The following DHRSX variants were observed in gnomAD, a reference collection of about 807,000 sequenced individuals.
DHRSX encodes the protein dehydrogenase/reductase X-linked, also known as polyprenol dehydrogenase.
DHRSX carries 31 observed loss-of-function variants against 34.0 expected under a neutral mutation model. That is an observed-to-expected ratio of 0.91 (90% CI 0.69 to 1.23). The LOEUF (loss-of-function observed/expected upper bound fraction) is 1.23, where lower values mean the gene tolerates loss of function less well. DHRSX is among the 50% of genes most tolerant of loss of function. The pLI is 0.00. For missense variants in DHRSX, 414 were observed against 428.1 expected (o/e 0.97, Z 0.29); for synonymous variants, 201 against 183.8 (o/e 1.09, Z -0.76).
At chrX:2,304,124 AATGGATGGATGGATGAATGGATGG>A (rs1569485844) in intron 3 of DHRSX, among the ~76,000 whole-genome samples, 12 of 17,176 alleles carry the variant, frequency 7.0e-4, no homozygotes, top group African/African-American at 1.8e-3. Context: ...TGGATGGATA[AATGGATGGATGGATGAATGGATGG>A]ATGGATGGAT....
At chrX:2,223,905 C>T (rs1291334141) in intron 6 of DHRSX, among the ~76,000 whole-genome samples, 1 of 152,158 alleles carries the variant, frequency 6.6e-6, no homozygotes, top group African/African-American at 2.4e-5. Context: ...GCTGTGAATC[C>T]AACATGGTGC....
intron 1 of DHRSX, among the ~76,000 whole-genome samples, chrX:2,432,086 C>T (rs28369610): frequency 0.19 from 29,538 of 151,788 alleles, 3,082 homozygotes; most frequent in Middle Eastern, 0.32. Context: ...CCCAGCGACT[C>T]GGGAGGCTGA....
At chrX:2,310,215 A>G (rs1436840656) in intron 3 of DHRSX, among the ~76,000 whole-genome samples, 1 of 151,988 alleles carries the variant, frequency 6.6e-6, no homozygotes, top group African/African-American at 2.4e-5. Flanking sequence ...TGATGCGACC[A>G]CAGCCTGCAA....
At chrX:2,496,607 C>A (rs999983102) in intron 1 of DHRSX, among the ~76,000 whole-genome samples, 15 of 152,202 alleles carry the variant, frequency 9.9e-5, no homozygotes, top group African/African-American at 3.6e-4. Context: ...GAATCAAACA[C>A]CACCTGTTCC....
chrX:2,379,962 C>A (rs2043184784), intron 3 of DHRSX, among the ~76,000 whole-genome samples: 1 of 152,100 alleles, frequency 6.6e-6, no homozygotes, highest in Admixed American at 6.6e-5. Context: ...CAAGGTTTTT[C>A]TTTTCTGTTG....
At chrX:2,325,851 T>TTTCTC (rs113426316) in intron 3 of DHRSX, among the ~76,000 whole-genome samples, 138,256 of 151,736 alleles carry the variant, frequency 0.91, 64,171 homozygotes, top group African/African-American at 0.99. Context: ...ACCATTTCTC[T>TTTCTC]TTCTCTTCTC....
chrX:2,455,694 T>C (rs1273511290), intron 1 of DHRSX, among the ~76,000 whole-genome samples: 5 of 148,294 alleles, frequency 3.4e-5, no homozygotes, highest in South Asian at 2.1e-4. Flanking sequence ...TGAGCCGAGA[T>C]TGTGCTACTG....
chrX:2,416,393 A>G (rs1409312755), intron 2 of DHRSX, among the ~76,000 whole-genome samples: 1 of 152,216 alleles, frequency 6.6e-6, no homozygotes, highest in African/African-American at 2.4e-5. Flanking sequence ...GAGATTTCTT[A>G]TATTGGAAAA....
At chrX:2,266,423 T>C (rs867182344) in intron 5 of DHRSX, among the ~76,000 whole-genome samples, 167 of 70,590 alleles carry the variant, frequency 2.4e-3, no homozygotes, top group Middle Eastern at 0.012. Context: ...GGAGCACTGT[T>C]CCCAGAGCAC....
chrX:2,364,992 C>A (rs1271044040), intron 3 of DHRSX, among the ~76,000 whole-genome samples: 11 of 152,146 alleles, frequency 7.2e-5, no homozygotes, highest in Non-Finnish European at 2.9e-5. Flanking sequence ...CAAAATTTCG[C>A]CTCCTCAGGG....
intron 3 of DHRSX, among the ~76,000 whole-genome samples, chrX:2,343,987 C>T (rs1371249566): frequency 6.6e-6 from 1 of 152,082 alleles, no homozygotes; most frequent in Non-Finnish European, 1.5e-5. Context: ...AATGGGAAGT[C>T]CTAAGGAGAA....
intron 1 of DHRSX, among the ~76,000 whole-genome samples, chrX:2,437,947 G>T (rs142734969): frequency 0.02 from 3,023 of 151,538 alleles, 40 homozygotes; most frequent in Middle Eastern, 0.041. Context: ...CATTCTAAGC[G>T]AACCTCAGAT....
chrX:2,226,618 G>A (rs1013088564), intron 6 of DHRSX, among the ~76,000 whole-genome samples: 2 of 152,030 alleles, frequency 1.3e-5, no homozygotes, highest in South Asian at 2.1e-4. Context: ...GGCTAACACA[G>A]TGAAACCCCG....
At chrX:2,282,769 CGAGG>C (rs1387799074) in intron 4 of DHRSX, among the ~76,000 whole-genome samples, 4 of 35,318 alleles carry the variant, frequency 1.1e-4, no homozygotes, top group East Asian at 1.7e-3. Flanking sequence ...GGGGAGAAAG[CGAGG>C]GAGGGAGGGG....
At chrX:2,438,733 G>A (rs1200133827) in intron 1 of DHRSX, among the ~76,000 whole-genome samples, 3 of 151,692 alleles carry the variant, frequency 2.0e-5, no homozygotes, top group Non-Finnish European at 4.4e-5. Flanking sequence ...GTACTGGACT[G>A]CAGAGGAGAG....
intron 5 of DHRSX, among the ~76,000 whole-genome samples, chrX:2,258,034 C>A (rs923742431): frequency 1.1e-4 from 16 of 152,122 alleles, no homozygotes; most frequent in Non-Finnish European, 1.5e-5. Flanking sequence ...AGGACACAGA[C>A]ACACACAGAG....
intron 1 of DHRSX, among the ~76,000 whole-genome samples, chrX:2,433,001 G>A (rs1367882457): frequency 6.6e-6 from 1 of 152,052 alleles, no homozygotes; most frequent in African/African-American, 2.4e-5. Context: ...GTGCGTGCCT[G>A]TAGTTCCAGC....
chrX:2,330,393 T>C (rs1186643878), intron 3 of DHRSX, among the ~76,000 whole-genome samples: 1 of 151,286 alleles, frequency 6.6e-6, no homozygotes, highest in African/African-American at 2.4e-5. Context: ...GGGTGGTGCA[T>C]GCCTGTAATC....
chrX:2,386,659 A>C lies in DHRSX; in HGVS notation c.286+22086T>G, dbSNP rs115051278. Among the ~76,000 whole-genome samples the C allele has an allele frequency of 3.4e-3, 518 of 152,332 alleles. 5 individuals carry two copies. Among genetic ancestry groups the C allele is most frequent in the African/African-American group, 0.012 (493 of 41,568 alleles). Reference sequence around the variant, plus strand: ...ATTTTTTGCAATAAGACAGCCTTTCATCCTTTGCCCAGGAGGAGGTAATCA... The same window carrying C: ...ATTTTTTGCAATAAGACAGCCTTTCCTCCTTTGCCCAGGAGGAGGTAATCA... On this transcript the variant is annotated intron_variant, in intron 3 of 6. Transcript: ENST00000334651.
Sources: allele counts gnomAD v4.1 joint callset (sites outside exome capture counted in the v4.1 genomes callset), GRCh38; gene constraint gnomAD v4.1.1; transcripts MANE v1.5; gene names NCBI Gene and HGNC (gene_info 2026-07-23, HGNC 2026-07-21).